FBXL5: variants seen among roughly 807,000 people sequenced by gnomAD.
FBXL5 encodes F-box/LRR-repeat protein 5.
In FBXL5, 26 loss-of-function variants were observed where a neutral mutation model predicts 78.3. That is an observed-to-expected ratio of 0.33 (90% CI 0.24 to 0.46). FBXL5 has a LOEUF of 0.46. Among genes scored for constraint, FBXL5 ranks in the 20% least tolerant of loss-of-function variants. The probability of loss-of-function intolerance (pLI) is 1.00; values close to 1 mark genes in which losing one functional copy is unlikely to be tolerated. For missense variants in FBXL5, 710 were observed against 829.2 expected (o/e 0.86, Z 1.77); for synonymous variants, 295 against 282.5 (o/e 1.04, Z -0.45).
intron 1 of FBXL5, among the ~76,000 whole-genome samples, chr4:15,649,192 G>A (rs1359220496): frequency 6.6e-6 from 1 of 151,818 alleles, no homozygotes; most frequent in Non-Finnish European, 1.5e-5. Flanking sequence ...AGAGAGAAAA[G>A]TCCTTAAAGA....
intron 4 of FBXL5, among the ~76,000 whole-genome samples, chr4:15,638,090 A>C (rs1324400181): frequency 6.6e-6 from 1 of 152,204 alleles, no homozygotes; most frequent in East Asian, 1.9e-4. Context: ...ACCAATGAAA[A>C]AAACACAAGG....
At chr4:15,610,675 T>C (rs1722191164) in intron 10 of FBXL5, among the ~76,000 whole-genome samples, 1 of 152,144 alleles carries the variant, frequency 6.6e-6, no homozygotes, top group East Asian at 1.9e-4. Flanking sequence ...ATAAAACAAG[T>C]AAGCATAAAA....
chr4:15,636,396 G>C (rs868542337), intron 5 of FBXL5, 98 bp downstream of exon 5: 1 of 957,550 alleles, frequency 1.0e-6, no homozygotes, highest in Non-Finnish European at 1.4e-6. Context: ...CTTTTTGATT[G>C]ACCTCTCAGA....
chr4:15,654,863 C>T (rs1383460081), intron 1 of FBXL5, among the ~76,000 whole-genome samples: 1 of 152,168 alleles, frequency 6.6e-6, no homozygotes, highest in Non-Finnish European at 1.5e-5. Context: ...TAGGGCCGCT[C>T]TCCTTAGAGG....
chr4:15,626,347 G>C (rs371851437), intron 8 of FBXL5, among the ~76,000 whole-genome samples: 9 of 152,328 alleles, frequency 5.9e-5, no homozygotes, highest in African/African-American at 1.9e-4. Context: ...TAGGAAGATG[G>C]AGCATTAGCT....
intron 9 of FBXL5, among the ~76,000 whole-genome samples, chr4:15,618,911 T>G (rs913594798): frequency 5.9e-5 from 9 of 152,138 alleles, no homozygotes; most frequent in Admixed American, 1.3e-4. Context: ...GGCTCATGCC[T>G]GTAATCCCAG....
intron 5 of FBXL5, among the ~76,000 whole-genome samples, chr4:15,631,317 T>C (rs376652110): frequency 3.9e-5 from 6 of 152,364 alleles, no homozygotes; most frequent in Middle Eastern, 3.4e-3. Flanking sequence ...CAGTCTATCA[T>C]TGATGGACAT....
At chr4:15,631,242 T>G (rs897599120) in intron 5 of FBXL5, among the ~76,000 whole-genome samples, 7 of 152,246 alleles carry the variant, frequency 4.6e-5, no homozygotes, top group Non-Finnish European at 1.0e-4. Flanking sequence ...GCAAAGGACA[T>G]GAACTCATCA....
Position 15,614,947 on chromosome 4 carries a change from G to A in FBXL5, c.1851-2533C>T, listed in dbSNP as rs535229032. 1.8e-4 allele frequency among the ~76,000 whole-genome samples: 27 copies of A among 152,232 alleles called. No individual in the cohort carries two copies. The South Asian group carries it at 4.1e-3, about 23-fold the overall frequency. ...GCAAGTGGGAACCGGGGCTGCGTGC[G>A]GCGCTTGCGGGCCAGCTGGAGTTCC... On this transcript the variant is annotated intron_variant, in intron 9 of 10. Coordinates refer to ENST00000341285, the MANE Select transcript of FBXL5 (RefSeq NM_012161.4).
chr4:15,613,845 GTTT>G (rs61224701), intron 9 of FBXL5, among the ~76,000 whole-genome samples: 68 of 151,320 alleles, frequency 4.5e-4, no homozygotes, highest in African/African-American at 1.1e-3. Flanking sequence ...TATAACTTTT[GTTT>G]TTTTTTTTAT....
At chr4:15,641,094 A>G (rs544518234) in intron 2 of FBXL5, among the ~76,000 whole-genome samples, 1 of 152,282 alleles carries the variant, frequency 6.6e-6, no homozygotes, top group South Asian at 2.1e-4. Flanking sequence ...TATTTTTAAA[A>G]TATCATAAAA....
At chr4:15,665,395 G>A (rs1426127750) in intron 1 of FBXL5, among the ~76,000 whole-genome samples, 1 of 151,960 alleles carries the variant, frequency 6.6e-6, no homozygotes, top group African/African-American at 2.4e-5. Flanking sequence ...CTCCAACAAC[G>A]GCTTATTATT....
At chr4:15,646,170 T>A (rs1474146375) in intron 1 of FBXL5, among the ~76,000 whole-genome samples, 1 of 152,232 alleles carries the variant, frequency 6.6e-6, no homozygotes, top group Admixed American at 6.5e-5. Flanking sequence ...AGACAACATG[T>A]AAATGAATGA....
chr4:15,613,390 CA>C (rs921335624), intron 9 of FBXL5, among the ~76,000 whole-genome samples: 5 of 152,124 alleles, frequency 3.3e-5, no homozygotes, highest in African/African-American at 1.2e-4. Context: ...CCTAATGGCA[CA>C]CCCTAGAAGA....
chr4:15,641,711 G>C (rs1479683631), intron 2 of FBXL5: 3 of 424,906 alleles, frequency 7.1e-6, no homozygotes, highest in Non-Finnish European at 1.4e-5. Flanking sequence ...TCCCCATGTT[G>C]TTCAAGGGTC....
chr4:15,613,809 C>T (rs1284779340), intron 9 of FBXL5, among the ~76,000 whole-genome samples: 1 of 150,676 alleles, frequency 6.6e-6, no homozygotes, highest in Non-Finnish European at 1.5e-5. Context: ...CTATAAATTT[C>T]TCTGGGGATT....
At chr4:15,605,905 T>C in intron 10 of FBXL5, 106 bp from the exon 11 acceptor site, 2 of 773,670 alleles carry the variant, frequency 2.6e-6, no homozygotes, top group South Asian at 3.0e-5. Flanking sequence ...CTAGCAGTAC[T>C]TATATGATAG....
At chr4:15,675,873 G>A (rs527532199) in intron 1 of FBXL5, among the ~76,000 whole-genome samples, 100 of 152,200 alleles carry the variant, frequency 6.6e-4, no homozygotes, top group Middle Eastern at 3.4e-3. Context: ...ATGAGCCACC[G>A]CGCCCAGCCA....
intron 1 of FBXL5, among the ~76,000 whole-genome samples, chr4:15,650,542 T>A (rs1715876292): frequency 6.6e-6 from 1 of 152,148 alleles, no homozygotes; most frequent in African/African-American, 2.4e-5. Flanking sequence ...ACCTATAAAG[T>A]TATATACTCT....
Sources: gnomAD v4.1 joint callset for allele counts (sites outside exome capture counted in the v4.1 genomes callset) on GRCh38, gnomAD v4.1.1 for gene constraint, MANE v1.5 for transcripts, NCBI Gene and HGNC (gene_info 2026-07-23, HGNC 2026-07-21) for gene names.